Variants in RETREG2 observed in about 807,000 individuals in gnomAD.
The protein encoded by RETREG2 is reticulophagy regulator 2.
A neutral mutation model predicts 51.6 loss-of-function variants in RETREG2; 21 were observed. The ratio of observed to expected loss-of-function variants is 0.41; its 90% confidence interval spans 0.29 to 0.59. RETREG2 has a LOEUF of 0.59. Among genes scored for constraint, RETREG2 ranks in the 20% least tolerant of loss-of-function variants. The probability of loss-of-function intolerance (pLI) is 0.34; values close to 1 mark genes in which losing one functional copy is unlikely to be tolerated. For missense variants in RETREG2, 674 were observed against 646.0 expected, an observed-to-expected ratio of 1.04 and a Z score of -0.47; for synonymous variants, 339 against 288.6, an observed-to-expected ratio of 1.17 and a Z score of -1.77.
chr2:219,182,536 A>G lies in RETREG2; in HGVS notation c.1539A>G (p.Thr513=). The change falls in exon 9 of 9, where the codon ACA becomes ACG. Residue 513 remains threonine (T), a synonymous_variant. Transcript: ENST00000430297. ...CAGAGCTGGGCTTGGAGCCAGAGAC[A>G]CCGCCAAAACCCCCTGATGCTCCAC... is the stretch of plus-strand genomic sequence containing the variant. The part of the protein sequence containing the change: ...LNAELGLEPE[T]PPKPPDAPPL... 2.5e-6 allele frequency: 4 copies of G among 1,614,032 alleles called. No homozygotes were observed. The highest frequency in any genetic ancestry group is 3.4e-6 in the Non-Finnish European group (4 of 1,179,968).
rs373627946 is a variant in RETREG2 at position 219,179,829 on chromosome 2, A to G, written c.419+66A>G. The G allele has an allele frequency of 3.1e-4, 478 of 1,532,274 alleles. 2 individuals carry two copies. The African/African-American group carries it at 5.5e-3, about 18-fold the overall frequency. 94.9% of individuals were successfully genotyped at this position (1,532,274 alleles called of 1,614,324 possible). A position where few individuals can be genotyped will look rare whatever the true frequency, so the allele number is the denominator to read the frequency against. Reference sequence around the variant, plus strand: ...TGTCCTGCTTGCTGGTGCCAGTGTCACCATGGAGCAGGGCAGTGCCCCAGC... The same window carrying G: ...TGTCCTGCTTGCTGGTGCCAGTGTCGCCATGGAGCAGGGCAGTGCCCCAGC... On this transcript the variant is annotated intron_variant, in intron 3 of 8. Transcript: ENST00000430297.
Position 219,182,558 on chromosome 2 carries a change from C to T in RETREG2, c.1561C>T (p.Pro521Ser), listed in dbSNP as rs1559222665. 1.2e-6 allele frequency: 2 copies of T among 1,614,184 alleles called. No homozygotes were observed. The change falls in exon 9 of 9, where the codon CCA (proline) becomes TCA (serine). Residue 521 changes from proline (P) to serine (S), a missense_variant. Coordinates refer to ENST00000430297, the MANE Select transcript of RETREG2 (RefSeq NM_024293.6). The part of the protein sequence containing the change: ...PETPPKPPDA[P>S]PLGPDIHSLV... ...GACACCGCCAAAACCCCCTGATGCT[C>T]CACCCCTGGGGCCCGACATCCATTC...
intron 4 of RETREG2, 132 bp downstream of exon 4, chr2:219,180,377 C>A: frequency 8.3e-7 from 1 of 1,201,662 alleles, no homozygotes; most frequent in South Asian, 1.4e-5. Flanking sequence ...CTTCTTGAGG[C>A]AACATTCACA....
intron 3 of RETREG2, 29 bp downstream of exon 3, chr2:219,179,792 A>G (rs1679822322): frequency 6.2e-7 from 1 of 1,609,106 alleles, no homozygotes; most frequent in Non-Finnish European, 8.5e-7. Context: ...TTGAAGACAA[A>G]TGCCCACATC....
intron 6 of RETREG2, 49 bp from the exon 7 acceptor site, chr2:219,181,320 C>T (rs374098097): frequency 5.0e-6 from 8 of 1,607,580 alleles, no homozygotes; most frequent in Middle Eastern, 1.7e-4. Context: ...TTTGTCTCCC[C>T]TCCCATCATT....
intron 4 of RETREG2, 65 bp from the exon 5 acceptor site, chr2:219,180,605 C>A: frequency 6.2e-7 from 1 of 1,611,642 alleles, no homozygotes; most frequent in Non-Finnish European, 8.5e-7. Flanking sequence ...GCAGTAGTTT[C>A]TTACCCAGCC....
In RETREG2 at chr2:219,182,449, A is replaced by G. The variant is rs1184844381; in HGVS notation, c.1452A>G (p.Glu484=). The G allele has an allele frequency of 1.2e-6, 2 of 1,613,756 alleles. No individual in the cohort carries two copies. The highest frequency in any genetic ancestry group is 1.7e-6 in the Non-Finnish European group (2 of 1,179,938). Residue 484 remains glutamate (E), a synonymous_variant, in exon 9 of 9, where the codon GAA becomes GAG. Coordinates refer to ENST00000430297, the MANE Select transcript of RETREG2 (RefSeq NM_024293.6). ...AGCCCCTGCCTGCCCCTGAGGAAGAAGAGGCACTCACCACTGAGGACTTTG... is the reference window on the plus strand; with the variant it reads ...AGCCCCTGCCTGCCCCTGAGGAAGAGGAGGCACTCACCACTGAGGACTTTG... ...SPQPLPAPEE[E]EALTTEDFEL... is the part of the protein sequence containing the mutation.
intron 3 of RETREG2, 21 bp from the exon 4 acceptor site, chr2:219,180,089 G>A: frequency 6.2e-7 from 1 of 1,613,574 alleles, no homozygotes; most frequent in South Asian, 1.1e-5. Flanking sequence ...GGCCTCCAGG[G>A]GTCATGTCAT....
chr2:219,180,892 CTG>C (rs1369141207), intron 5 of RETREG2, 138 bp downstream of exon 5: 4 of 1,323,614 alleles, frequency 3.0e-6, no homozygotes, highest in East Asian at 2.3e-5. Flanking sequence ...GTATTAGTAA[CTG>C]TGGAAGACTT....
intron 1 of RETREG2, 27 bp downstream of exon 1, chr2:219,178,660 G>A (rs563196802): frequency 2.8e-6 from 4 of 1,430,340 alleles, no homozygotes; most frequent in Non-Finnish European, 3.6e-6. Flanking sequence ...AGGGGGCGGG[G>A]CCGGGATGAG....
rs547268207 is a variant in RETREG2, at chr2:219,181,922, A to G, written c.1016-91A>G. ...CACCTAAGGCTTGGCCCAGCTTTCC[A>G]TGTCTTGAGTTCTCATCCTTGAACT... On this transcript the variant is annotated intron_variant, in intron 8 of 8. Coordinates refer to ENST00000430297, the MANE Select transcript of RETREG2 (RefSeq NM_024293.6). 2.6e-5 allele frequency: 40 copies of G among 1,563,050 alleles called. No homozygotes were observed. The East Asian group carries it at 5.4e-4, about 21-fold the overall frequency.
chr2:219,178,830 T>C, intron 1 of RETREG2, 92 bp from the exon 2 acceptor site: 1 of 1,115,072 alleles, frequency 9.0e-7, no homozygotes, highest in Non-Finnish European at 1.3e-6. Context: ...GGAGGTGCCA[T>C]TACCCCATCA....
chr2:219,181,375 A>G lies in RETREG2; in HGVS notation c.791A>G (p.Gln264Arg). Residue 264 changes from glutamine to arginine, a missense_variant, in exon 7 of 9, where the codon CAG becomes CGG. Coordinates refer to ENST00000430297, the MANE Select transcript of RETREG2 (RefSeq NM_024293.6). Reference protein sequence around the residue: ...LHHKHDKRKRQGKNAPPGGDE... With the variant: ...LHHKHDKRKRRGKNAPPGGDE... ...ACTACTCTTGCTTTTCTAGAGCGTC[A>G]GGGGAAGAATGCACCCCCAGGAGGT... is the stretch of plus-strand genomic sequence containing the variant. 10 of 1,613,982 alleles carry G rather than the reference A, an allele frequency of 6.2e-6. No individual in the cohort carries two copies. Among genetic ancestry groups the G allele is most frequent in the Non-Finnish European group, 8.5e-6 (10 of 1,179,938 alleles).
At chr2:219,179,807 C>T in intron 3 of RETREG2, 44 bp downstream of exon 3, 1 of 1,595,416 alleles carries the variant, frequency 6.3e-7, no homozygotes, top group Non-Finnish European at 8.6e-7. Flanking sequence ...CACATCCTGT[C>T]CTGCTTGCTG....
chr2:219,181,217 C>T lies in RETREG2; in HGVS notation c.784+12C>T. The T allele has an allele frequency of 1.2e-6, 2 of 1,613,790 alleles. No individual in the cohort carries two copies. Among genetic ancestry groups the T allele is most frequent in the Non-Finnish European group, 1.7e-6 (2 of 1,179,826 alleles). ...ACACGACAAGAGGAGTAAGGGGCTG[C>T]CCTAAGCCAGGAGGGTGAAAGAGCG... On this transcript the variant is annotated intron_variant, in intron 6 of 8. Transcript: ENST00000430297.
intron 6 of RETREG2, 56 bp from the exon 7 acceptor site, chr2:219,181,313 G>A: frequency 6.2e-7 from 1 of 1,607,854 alleles, no homozygotes; most frequent in Admixed American, 1.7e-5. Context: ...AGCTGTGTTT[G>A]TCTCCCCTCC....
intron 2 of RETREG2, among the ~76,000 whole-genome samples, chr2:219,179,493 G>A (rs1950244944): frequency 6.6e-6 from 1 of 152,200 alleles, no homozygotes; most frequent in Non-Finnish European, 1.5e-5. Context: ...AATTTACTTA[G>A]TAGGTGACAG....
In RETREG2 at chr2:219,181,725, G is replaced by T; in HGVS notation, c.965G>T (p.Gly322Val). ...GAGGCTTCTATCTTGGAGAGTGGTGGCTTCTCCGTATCCCGGGCCACAACT... is the reference window on the plus strand; with the variant it reads ...GAGGCTTCTATCTTGGAGAGTGGTGTCTTCTCCGTATCCCGGGCCACAACT... Reference protein sequence around the residue: ...DEEASILESGGFSVSRATTPQ... With the variant: ...DEEASILESGVFSVSRATTPQ... Residue 322 changes from glycine to valine, a missense_variant, in exon 8 of 9, where the codon GGC becomes GTC. Gly to Val is a moderately radical substitution (Grantham distance 109). Transcript: ENST00000430297. The T allele has an allele frequency of 6.2e-7, 1 of 1,613,994 alleles. No individual in the cohort carries two copies. Among genetic ancestry groups the T allele is most frequent in the Non-Finnish European group, 8.5e-7 (1 of 1,179,988 alleles).
chr2:219,179,983 G>C lies in RETREG2; in HGVS notation c.420-127G>C, dbSNP rs903250787. On this transcript the variant is annotated intron_variant, in intron 3 of 8. Coordinates refer to ENST00000430297, the MANE Select transcript of RETREG2 (RefSeq NM_024293.6). ...TGGCTTTGCTTCTAAGACCAGGACA[G>C]CCTCCTTTTGAGAGGTGGGGTCATT... is the stretch of plus-strand genomic sequence containing the variant. The C allele has an allele frequency of 9.6e-6, 13 of 1,348,174 alleles. No individual in the cohort carries two copies. The African/African-American group carries it at 1.6e-4, about 17-fold the overall frequency. 83.5% of individuals were successfully genotyped at this position (1,348,174 alleles called of 1,614,324 possible).
Sources: allele counts gnomAD v4.1 joint callset (sites outside exome capture counted in the v4.1 genomes callset), GRCh38; gene constraint gnomAD v4.1.1; transcripts MANE v1.5; gene names NCBI Gene and HGNC (gene_info 2026-07-23, HGNC 2026-07-21).